The following TENM4 variants were observed in gnomAD, a reference collection of about 807,000 sequenced individuals.
TENM4 encodes the protein teneurin transmembrane protein 4.
Under a neutral mutation model 243.3 loss-of-function variants are expected in TENM4, and 82 were observed. That is an observed-to-expected ratio of 0.34 (90% CI 0.28 to 0.40). The LOEUF is 0.40. Ranked by LOEUF, TENM4 falls within the 10% of genes least tolerant of loss-of-function variation. The pLI is 1.00. For synonymous variants in TENM4, 1,412 were observed against 1,456.3 expected (o/e 0.97, Z 0.69); for missense variants, 3,138 against 3,673.3 (o/e 0.85, Z 3.77).
At chr11:78,826,600 T>C (rs1173467960) in intron 12 of TENM4, among the ~76,000 whole-genome samples, 1 of 152,072 alleles carries the variant, frequency 6.6e-6, no homozygotes, top group African/African-American at 2.4e-5. Flanking sequence ...TGATGTCTAC[T>C]CCAGATGATA....
At position 79,102,269 on chromosome 11, in the gene TENM4, A is replaced by G. The variant is rs1861251460; in HGVS notation, c.-65-32260T>C. ...GAAGGAATAGGCATCTGTTGCAGTC[A>G]TACATTGGAAAGCTGGGTTAGACAC... On this transcript the variant is annotated intron_variant, in intron 4 of 33. Transcript: ENST00000278550. 1.3e-5 allele frequency among the ~76,000 whole-genome samples: 2 copies of G among 152,226 alleles called. 1 individual carries two copies. The highest frequency in any genetic ancestry group is 4.8e-5 in the African/African-American group (2 of 41,452).
chr11:79,035,046 A>G (rs1488421789), intron 6 of TENM4, among the ~76,000 whole-genome samples: 2 of 152,212 alleles, frequency 1.3e-5, no homozygotes, highest in African/African-American at 4.8e-5. Flanking sequence ...ACATGCAAGG[A>G]CATGAGGCCT....
chr11:79,152,628 G>A (rs964068688), intron 3 of TENM4, among the ~76,000 whole-genome samples: 4 of 152,182 alleles, frequency 2.6e-5, no homozygotes, highest in African/African-American at 4.8e-5. Context: ...CCAGTGGAAC[G>A]GGAAAACAAG....
intron 2 of TENM4, among the ~76,000 whole-genome samples, chr11:79,223,894 C>T (rs1864209528): frequency 6.6e-6 from 1 of 152,202 alleles, no homozygotes; most frequent in African/African-American, 2.4e-5. Context: ...TGGCTCTCTA[C>T]TTTCCAGGTA....
chr11:79,027,521 G>T (rs759633406), intron 6 of TENM4, among the ~76,000 whole-genome samples: 4 of 152,214 alleles, frequency 2.6e-5, no homozygotes, highest in Non-Finnish European at 2.9e-5. Flanking sequence ...TTGTCACTGT[G>T]CCAGAAACTG....
At chr11:79,130,333 A>T (rs1477481510) in intron 4 of TENM4, among the ~76,000 whole-genome samples, 5 of 152,160 alleles carry the variant, frequency 3.3e-5, no homozygotes, top group Non-Finnish European at 7.3e-5. Context: ...AATGATCTTT[A>T]ACACCCCCCA....
chr11:79,173,074 C>G (rs1305766606), intron 3 of TENM4, among the ~76,000 whole-genome samples: 1 of 152,152 alleles, frequency 6.6e-6, no homozygotes, highest in Non-Finnish European at 1.5e-5. Flanking sequence ...TCTACTGTAC[C>G]AAGAATCAAA....
At chr11:78,976,079 A>G (rs1857648281) in intron 6 of TENM4, among the ~76,000 whole-genome samples, 1 of 152,212 alleles carries the variant, frequency 6.6e-6, no homozygotes, top group Non-Finnish European at 1.5e-5. Context: ...ATAGTAATAA[A>G]CATAATAATG....
At chr11:79,425,768 T>TCTGC (rs974096222) in intron 1 of TENM4, among the ~76,000 whole-genome samples, 1 of 152,194 alleles carries the variant, frequency 6.6e-6, no homozygotes, top group South Asian at 2.1e-4. Flanking sequence ...CTCTTTGGTC[T>TCTGC]CTGCCTGCCT....
At chr11:79,391,451 C>A (rs1332700681) in intron 1 of TENM4, among the ~76,000 whole-genome samples, 1 of 152,138 alleles carries the variant, frequency 6.6e-6, no homozygotes, top group African/African-American at 2.4e-5. Context: ...TCTTTGGGAA[C>A]TACTGAAAAT....
intron 12 of TENM4, among the ~76,000 whole-genome samples, chr11:78,826,019 G>A (rs1233645767): frequency 6.6e-6 from 1 of 151,448 alleles, no homozygotes; most frequent in African/African-American, 2.4e-5. Flanking sequence ...CATTTATCCA[G>A]GCTTGTCACC....
chr11:79,208,217 C>T (rs1863888339), intron 3 of TENM4, among the ~76,000 whole-genome samples: 3 of 152,156 alleles, frequency 2.0e-5, no homozygotes. Flanking sequence ...GACAGAACAC[C>T]ATGAAATTAA....
intron 1 of TENM4, among the ~76,000 whole-genome samples, chr11:79,357,157 G>A (rs113628646): frequency 2.4e-4 from 36 of 152,310 alleles, no homozygotes; most frequent in African/African-American, 8.2e-4. Context: ...TGTGGGCAGC[G>A]TCCTTTTAAA....
At chr11:78,964,621 C>T (rs1857402057) in intron 6 of TENM4, among the ~76,000 whole-genome samples, 1 of 152,186 alleles carries the variant, frequency 6.6e-6, no homozygotes, top group Admixed American at 6.5e-5. Flanking sequence ...CCACTGACCA[C>T]CCAGTACTAG....
chr11:78,890,133 G>T, intron 8 of TENM4, 113 bp from the exon 9 acceptor site: 1 of 792,878 alleles, frequency 1.3e-6, no homozygotes, highest in Non-Finnish European at 2.0e-6. Flanking sequence ...AGCCTGGATA[G>T]AGAGAGTCAC....
intron 6 of TENM4, among the ~76,000 whole-genome samples, chr11:79,034,191 C>T (rs1389074367): frequency 1.3e-5 from 2 of 152,162 alleles, no homozygotes; most frequent in Non-Finnish European, 2.9e-5. Flanking sequence ...GCATTTTATG[C>T]CCACTTATGA....
Position 78,656,025 on chromosome 11 carries a change from T to G in TENM4, c.*2033A>C, listed in dbSNP as rs1312340275. ...CTGCTGCAGCAGGGTGGCTTTTTTT[T>G]TGGAAACAGGAAGAGCACTTAGCGA... On this transcript the variant is annotated 3_prime_UTR_variant, in exon 34 of 34. Transcript: ENST00000278550. 6.6e-6 allele frequency: 1 copy of G among 152,134 alleles called. No individual in the cohort carries two copies. The highest frequency in any genetic ancestry group is 2.4e-5 in the African/African-American group (1 of 41,416). 9.4% of individuals were successfully genotyped at this position (152,134 alleles called of 1,614,324 possible).
intron 1 of TENM4, among the ~76,000 whole-genome samples, chr11:79,317,827 A>G (rs538837565): frequency 1.8e-4 from 28 of 152,134 alleles, no homozygotes; most frequent in African/African-American, 6.7e-4. Context: ...TGGCGCTTTC[A>G]TTTCTCCGGG....
chr11:79,435,037 G>A (rs1212407038), intron 1 of TENM4, among the ~76,000 whole-genome samples: 1 of 152,122 alleles, frequency 6.6e-6, no homozygotes, highest in Non-Finnish European at 1.5e-5. Context: ...AGCATGAAAA[G>A]TTTTGCATGC....
Sources: allele counts gnomAD v4.1 joint callset (sites outside exome capture counted in the v4.1 genomes callset), GRCh38; gene constraint gnomAD v4.1.1; transcripts MANE v1.5; gene names NCBI Gene and HGNC (gene_info 2026-07-23, HGNC 2026-07-21).